Variants in ARNT2 observed in about 807,000 individuals in gnomAD.
ARNT2 encodes the protein ARNT protein 2.
In ARNT2, 36 loss-of-function variants were observed where a neutral mutation model predicts 91.7. That is an observed-to-expected ratio of 0.39 (90% confidence interval 0.30 to 0.52). The LOEUF (loss-of-function observed/expected upper bound fraction) is 0.52, where lower values mean the gene tolerates loss of function less well. ARNT2 is among the 20% of genes least tolerant of loss of function. ARNT2 has a pLI of 0.72. For missense variants in ARNT2, 775 were observed against 939.3 expected (o/e 0.83, Z 2.29); for synonymous variants, 365 against 347.1 (o/e 1.05, Z -0.57).
chr15:80,447,528 C>G (rs959506807), intron 1 of ARNT2, among the ~76,000 whole-genome samples: 3 of 152,196 alleles, frequency 2.0e-5, no homozygotes, highest in African/African-American at 7.2e-5. Flanking sequence ...GATACCAGGC[C>G]TTGTCTTTGG....
At chr15:80,533,353 C>T (rs527903611) in intron 8 of ARNT2, among the ~76,000 whole-genome samples, 3 of 152,094 alleles carry the variant, frequency 2.0e-5, no homozygotes, top group African/African-American at 7.2e-5. Context: ...AGGATAAGGA[C>T]GCAGGGGCTA....
rs140703832 is a variant in ARNT2, at chr15:80,591,683, C to T, written c.2034C>T (p.Pro678=). 34 of 1,614,046 alleles carry T rather than the reference C, an allele frequency of 2.1e-5. No homozygotes were observed. The highest frequency in any genetic ancestry group is 1.3e-4 in the African/African-American group (10 of 75,048). The change falls in exon 18 of 19, where the codon CCC becomes CCT. Residue 678 remains proline, a synonymous_variant. Transcript: ENST00000303329. The surrounding 1 kb of genome is among the most constrained non-coding windows in gnomAD (Gnocchi z 5.1). ...GTGAGCAGCACTCCCACCAGCAGCC[C>T]GGTCAGACTGAAGTGTTCCAGGTAA... ...QSGEQHSHQQ[P]GQTEVFQDML...
In ARNT2 at chr15:80,487,999, A is replaced by G. The variant is rs1447489905; in HGVS notation, c.622+12776A>G. The G allele has an allele frequency of 2.6e-5, 4 of 152,218 alleles. No individual in the cohort carries two copies. The East Asian group carries it at 5.8e-4, about 22-fold the overall frequency. 9.4% of individuals were successfully genotyped at this position (152,218 alleles called of 1,614,324 possible). On this transcript the variant is annotated intron_variant, in intron 5 of 18. Coordinates refer to ENST00000303329, the MANE Select transcript of ARNT2 (RefSeq NM_014862.4). Reference sequence around the variant, plus strand: ...AGCCCTCACTGTGAACCTTATGTGCATTTTATGTACACATCCAACTAGGTT... The same window carrying G: ...AGCCCTCACTGTGAACCTTATGTGCGTTTTATGTACACATCCAACTAGGTT...
chr15:80,493,828 C>T (rs1335394398), intron 5 of ARNT2, among the ~76,000 whole-genome samples: 1 of 152,134 alleles, frequency 6.6e-6, no homozygotes, highest in African/African-American at 2.4e-5. Context: ...ATATTCGGAT[C>T]ATGAGGGCAG....
chr15:80,575,198 G>C, intron 14 of ARNT2, 88 bp downstream of exon 14: 1 of 1,536,876 alleles, frequency 6.5e-7, no homozygotes, highest in Admixed American at 1.8e-5. Context: ...TTAGTAAGAG[G>C]GGGCCACGGA....
intron 5 of ARNT2, among the ~76,000 whole-genome samples, chr15:80,477,918 C>G (rs976386917): frequency 2.0e-5 from 3 of 152,050 alleles, no homozygotes. Flanking sequence ...TGCTGGTGAT[C>G]AAAGATGTAA....
intron 2 of ARNT2, 152 bp downstream of exon 2, chr15:80,451,146 C>T: frequency 1.3e-6 from 1 of 787,636 alleles, no homozygotes; most frequent in Non-Finnish European, 2.0e-6. Flanking sequence ...TAAATATGCA[C>T]ATGATTTGCT....
chr15:80,459,765 G>T (rs1896527256), intron 3 of ARNT2, among the ~76,000 whole-genome samples: 1 of 152,218 alleles, frequency 6.6e-6, no homozygotes, highest in Non-Finnish European at 1.5e-5. Context: ...AGGCATCTGT[G>T]AACCATATCA....
At chr15:80,417,256 AGT>A (rs1895799231) in intron 1 of ARNT2, among the ~76,000 whole-genome samples, 9 of 152,224 alleles carry the variant, frequency 5.9e-5, no homozygotes, top group Non-Finnish European at 7.3e-5. Flanking sequence ...AACAGTAATT[AGT>A]GTGTGATTTG....
At chr15:80,532,124 A>C (rs1275664579) in intron 8 of ARNT2, among the ~76,000 whole-genome samples, 1 of 152,342 alleles carries the variant, frequency 6.6e-6, no homozygotes, top group East Asian at 1.9e-4. Flanking sequence ...CAGCAACACT[A>C]TAGAATAGGA....
intron 8 of ARNT2, among the ~76,000 whole-genome samples, chr15:80,540,822 T>C (rs2141449192): frequency 6.6e-6 from 1 of 152,288 alleles, no homozygotes; most frequent in East Asian, 1.9e-4. Context: ...GCAGAGGACA[T>C]GATTTCATTC....
intron 5 of ARNT2, among the ~76,000 whole-genome samples, chr15:80,491,274 C>T (rs973239811): frequency 6.6e-6 from 1 of 152,152 alleles, no homozygotes; most frequent in Non-Finnish European, 1.5e-5. Flanking sequence ...GGGGAGGCCT[C>T]ACAATCATGG....
intron 8 of ARNT2, among the ~76,000 whole-genome samples, chr15:80,536,663 C>A (rs959964834): frequency 6.6e-6 from 1 of 152,164 alleles, no homozygotes; most frequent in Non-Finnish European, 1.5e-5. Context: ...GACTTCCTTA[C>A]CCCCACTATC....
rs1375994277 is a variant in ARNT2, at chr15:80,450,900, G to A, written c.52G>A (p.Gly18Arg). 6.2e-7 allele frequency: 1 copy of A among 1,614,196 alleles called. No individual in the cohort carries two copies. The highest frequency in any genetic ancestry group is 8.5e-7 in the Non-Finnish European group (1 of 1,180,038). Residue 18 changes from glycine (G) to arginine (R), a missense_variant, in exon 2 of 19, where the codon GGA becomes AGA. Gly to Arg is a moderately radical substitution (Grantham distance 125). This residue lies in a region of ARNT2 where 79 missense variants were observed against 83.8 expected (regional missense o/e 0.94). Coordinates refer to ENST00000303329, the MANE Select transcript of ARNT2 (RefSeq NM_014862.4). ...NPPEMASDIPGSVTLPVAPMA... is the reference protein window; with the variant it reads ...NPPEMASDIPRSVTLPVAPMA... ...TCCAGAAATGGCTTCAGACATACCT[G>A]GATCTGTGACGTTGCCCGTTGCCCC... is the stretch of plus-strand genomic sequence containing the variant.
At chr15:80,543,452 C>G (rs1459949681) in intron 8 of ARNT2, among the ~76,000 whole-genome samples, 1 of 152,136 alleles carries the variant, frequency 6.6e-6, no homozygotes, top group East Asian at 1.9e-4. Context: ...TGACAGTATC[C>G]CGTGTCATGA....
At chr15:80,430,529 C>G (rs545258478) in intron 1 of ARNT2, among the ~76,000 whole-genome samples, 2 of 152,348 alleles carry the variant, frequency 1.3e-5, no homozygotes, top group South Asian at 4.1e-4. Flanking sequence ...CCCAAAGGAA[C>G]AGAGCCCAAA....
rs937308405 is a variant in ARNT2, at chr15:80,595,284, C to A, written c.*1586C>A. 4 of 152,192 alleles carry A rather than the reference C, an allele frequency of 2.6e-5. No individual in the cohort carries two copies. The allele number at this position is 152,192 out of a possible 1,614,324, so 9.4% of individuals were successfully genotyped here. ...CTGCAGGGCACATGGAGGGACCTAC[C>A]CTCTGGGAAAGCCCTTGTGTCCCTC... On this transcript the variant is annotated 3_prime_UTR_variant, in exon 19 of 19. Coordinates refer to ENST00000303329, the MANE Select transcript of ARNT2 (RefSeq NM_014862.4).
At chr15:80,428,873 C>A (rs981052158) in intron 1 of ARNT2, among the ~76,000 whole-genome samples, 7 of 152,176 alleles carry the variant, frequency 4.6e-5, no homozygotes, top group African/African-American at 1.4e-4. Flanking sequence ...GAACTGACTC[C>A]TCAATGTTCA....
At chr15:80,486,644 A>G (rs11072920) in intron 5 of ARNT2, among the ~76,000 whole-genome samples, 122,926 of 152,180 alleles carry the variant, frequency 0.81, 49,815 homozygotes, top group East Asian at 0.96. Context: ...ATGTTTATGC[A>G]TTCACTGATG....
Sources: gnomAD v4.1 joint callset for allele counts (sites outside exome capture counted in the v4.1 genomes callset) on GRCh38, gnomAD v4.1.1 for gene constraint, gnomAD v4.1.1 regional missense constraint, Gnocchi (gnomAD v3.1) non-coding constraint, MANE v1.5 for transcripts, NCBI Gene and HGNC (gene_info 2026-07-23, HGNC 2026-07-21) for gene names.